The following CNBD1 variants were observed in gnomAD, a reference collection of about 807,000 sequenced individuals.
CNBD1 encodes cyclic nucleotide binding domain containing 1, also known as cyclic nucleotide-binding domain-containing protein 1.
CNBD1 carries 71 observed loss-of-function variants against 54.4 expected under a neutral mutation model. The observed-to-expected ratio is 1.30, with a 90% CI of 1.08 to 1.59. The LOEUF (loss-of-function observed/expected upper bound fraction) is 1.59. Among genes scored for constraint, CNBD1 ranks in the 40% most tolerant of loss-of-function variants. CNBD1 has a pLI of 0.00. For synonymous variants in CNBD1, 182 were observed against 170.7 expected (o/e 1.07, Z -0.51); for missense variants, 659 against 518.0 (o/e 1.27, Z -2.64).
intron 4 of CNBD1, among the ~76,000 whole-genome samples, chr8:87,135,157 A>G (rs1812203278): frequency 6.6e-6 from 1 of 152,084 alleles, no homozygotes; most frequent in Admixed American, 6.6e-5. Flanking sequence ...CTCTTATACC[A>G]CATGTGAATG....
chr8:86,884,576 T>C (rs1808653676), intron 1 of CNBD1, among the ~76,000 whole-genome samples: 1 of 152,168 alleles, frequency 6.6e-6, no homozygotes, highest in Non-Finnish European at 1.5e-5. Flanking sequence ...TAAAACATAC[T>C]CCTCCCTGTA....
chr8:87,258,450 G>C (rs1035378623), intron 6 of CNBD1, among the ~76,000 whole-genome samples: 2 of 150,688 alleles, frequency 1.3e-5, no homozygotes, highest in African/African-American at 4.9e-5. Context: ...TTAAGATGGA[G>C]TCTCACTGTC....
chr8:87,362,286 G>A (rs1810537848), intron 10 of CNBD1, among the ~76,000 whole-genome samples: 1 of 151,982 alleles, frequency 6.6e-6, no homozygotes, highest in Non-Finnish European at 1.5e-5. Context: ...AAATCATATT[G>A]CCAAGAATGC....
intron 10 of CNBD1, among the ~76,000 whole-genome samples, chr8:87,374,058 G>T (rs1810874103): frequency 6.6e-6 from 1 of 151,538 alleles, no homozygotes; most frequent in South Asian, 2.1e-4. Flanking sequence ...TGATTATATT[G>T]TTTGGCAAAA....
chr8:86,879,912 A>C (rs186049284), intron 1 of CNBD1, among the ~76,000 whole-genome samples: 1 of 152,010 alleles, frequency 6.6e-6, no homozygotes, highest in Non-Finnish European at 1.5e-5. Flanking sequence ...ATGGGGGAGG[A>C]ACTTAGAGGG....
chr8:86,887,121 A>G (rs1341574201), intron 1 of CNBD1, among the ~76,000 whole-genome samples: 1 of 152,196 alleles, frequency 6.6e-6, no homozygotes, highest in Non-Finnish European at 1.5e-5. Context: ...GGCCGACATA[A>G]GTAGGATTGA....
In CNBD1 at chr8:87,182,180, G is replaced by A. The variant is rs919739191; in HGVS notation, c.432-23813G>A. The stretch of plus-strand genomic sequence containing the variant: ...TCTGATCCTATGTTAGTTCACTTAG[G>A]ATAATGGCCTTCACCTATATCCATG... On this transcript the variant is annotated intron_variant, in intron 4 of 10. Coordinates refer to ENST00000518476, the MANE Select transcript of CNBD1 (RefSeq NM_173538.3). The surrounding 1 kb of genome is among the most constrained non-coding windows in gnomAD (Gnocchi z 4.1). Among the ~76,000 whole-genome samples, 1 of 152,060 alleles carries A rather than the reference G, an allele frequency of 6.6e-6. No homozygotes were observed. The highest frequency in any genetic ancestry group is 2.4e-5 in the African/African-American group (1 of 41,392).
chr8:86,902,938 A>G (rs1311071096), intron 2 of CNBD1, among the ~76,000 whole-genome samples: 2 of 152,130 alleles, frequency 1.3e-5, no homozygotes, highest in Non-Finnish European at 2.9e-5. Flanking sequence ...AGACAATAAT[A>G]CTTTTCTACT....
chr8:87,280,711 C>G lies in CNBD1; in HGVS notation c.772-3967C>G, dbSNP rs1023334730. ...TTATAAAATGCAGTTTAGAACAAAT[C>G]TCAACATTATGACTTTATTCAAAAG... On this transcript the variant is annotated intron_variant, in intron 6 of 10. Coordinates refer to ENST00000518476, the MANE Select transcript of CNBD1 (RefSeq NM_173538.3). Among the ~76,000 whole-genome samples, 4 of 151,352 alleles carry G rather than the reference C, an allele frequency of 2.6e-5. No homozygotes were observed. The South Asian group carries it at 8.3e-4, about 31-fold the overall frequency.
intron 2 of CNBD1, among the ~76,000 whole-genome samples, chr8:87,412,347 G>C (rs1436350971): frequency 8.6e-5 from 13 of 151,994 alleles, no homozygotes; most frequent in Admixed American, 8.5e-4. Context: ...AACAAAAACA[G>C]AACAGTAATA....
intron 4 of CNBD1, among the ~76,000 whole-genome samples, chr8:86,963,536 T>G (rs754906408): frequency 4.6e-5 from 7 of 152,140 alleles, no homozygotes; most frequent in Non-Finnish European, 7.4e-5. Flanking sequence ...GGGGCTGCTC[T>G]ACCATTGCCT....
intron 4 of CNBD1, among the ~76,000 whole-genome samples, chr8:87,108,763 T>C (rs1811597361): frequency 6.6e-6 from 1 of 152,204 alleles, no homozygotes; most frequent in Non-Finnish European, 1.5e-5. Flanking sequence ...AATCTAGACC[T>C]ATAGTCATGA....
At chr8:87,381,809 G>A (rs1811080179) in intron 10 of CNBD1, among the ~76,000 whole-genome samples, 2 of 151,802 alleles carry the variant, frequency 1.3e-5, no homozygotes. Context: ...AAATTTATAG[G>A]ATTAAAAAGT....
intron 4 of CNBD1, among the ~76,000 whole-genome samples, chr8:87,013,051 G>A (rs968989480): frequency 1.3e-5 from 2 of 152,142 alleles, no homozygotes; most frequent in Admixed American, 6.5e-5. Context: ...AGAGGCTGGC[G>A]CCTAATGTGC....
chr8:86,996,853 G>C (rs1298268937), intron 4 of CNBD1, among the ~76,000 whole-genome samples: 1 of 152,192 alleles, frequency 6.6e-6, no homozygotes, highest in African/African-American at 2.4e-5. Context: ...GGAAGTCCAA[G>C]ACTAAAGCAC....
At chr8:87,408,908 C>T (rs983210616) in intron 2 of CNBD1, among the ~76,000 whole-genome samples, 2 of 152,078 alleles carry the variant, frequency 1.3e-5, no homozygotes, top group Admixed American at 6.6e-5. Flanking sequence ...TTTTGACTCC[C>T]TCACCAGTTT....
intron 8 of CNBD1, among the ~76,000 whole-genome samples, chr8:87,316,657 G>T (rs897643931): frequency 4.0e-5 from 6 of 151,710 alleles, no homozygotes; most frequent in African/African-American, 1.5e-4. Flanking sequence ...GGCCATCAAG[G>T]CACAGGTTAA....
At chr8:87,367,770 C>T (rs1237791786) in intron 10 of CNBD1, among the ~76,000 whole-genome samples, 1 of 152,050 alleles carries the variant, frequency 6.6e-6, no homozygotes, top group East Asian at 1.9e-4. Flanking sequence ...TGCTCTCTAT[C>T]GAAAGGTCAT....
intron 2 of CNBD1, among the ~76,000 whole-genome samples, chr8:86,902,964 T>C (rs1236727378): frequency 3.9e-5 from 6 of 152,148 alleles, no homozygotes. Flanking sequence ...CACAGACATA[T>C]GTTGTTGTTT....
Sources: allele counts gnomAD v4.1 joint callset (sites outside exome capture counted in the v4.1 genomes callset), GRCh38; gene constraint gnomAD v4.1.1; non-coding constraint Gnocchi (gnomAD v3.1); transcripts MANE v1.5; gene names NCBI Gene and HGNC (gene_info 2026-07-23, HGNC 2026-07-21).